GSDMA: variants seen among roughly 807,000 people sequenced by gnomAD.
GSDMA encodes gasdermin-A.
In GSDMA, 55 loss-of-function variants were observed where a neutral mutation model predicts 54.3. The observed-to-expected ratio is 1.01, with a 90% CI of 0.82 to 1.27. The LOEUF (loss-of-function observed/expected upper bound fraction) is 1.27. GSDMA is among the 50% of genes most tolerant of loss of function. The probability of loss-of-function intolerance (pLI) is 0.00; values close to 1 mark genes in which losing one functional copy is unlikely to be tolerated. For synonymous variants in GSDMA, 211 were observed against 224.7 expected, an observed-to-expected ratio of 0.94 and a Z score of 0.54; for missense variants, 542 against 542.6, an observed-to-expected ratio of 1.00 and a Z score of 0.01.
In GSDMA at chr17:39,972,581, C is replaced by T; in HGVS notation, c.704-6C>T. The T allele has an allele frequency of 1.9e-6, 3 of 1,612,752 alleles. No individual in the cohort carries two copies. Among genetic ancestry groups the T allele is most frequent in the South Asian group, 2.2e-5 (2 of 90,754 alleles). On this transcript the variant is annotated splice_polypyrimidine_tract_variant and splice_region_variant and intron_variant, in intron 6 of 11. Transcript: ENST00000301659. ...GCTGACAGATGTGCATTTTTTCTGTCTTCAGAAAAGTCAGGAGAGGAGAAG... is the reference window on the plus strand; with the variant it reads ...GCTGACAGATGTGCATTTTTTCTGTTTTCAGAAAAGTCAGGAGAGGAGAAG...
At chr17:39,966,188 A>G (rs1023814238) in intron 2 of GSDMA, 72 bp from the exon 3 acceptor site, 3 of 1,540,966 alleles carry the variant, frequency 1.9e-6, no homozygotes, top group Non-Finnish European at 2.7e-6. Flanking sequence ...TGGCCTCCCA[A>G]AATGCTGGGA....
At chr17:39,965,285 G>GGAAA (rs56327227) in intron 1 of GSDMA, among the ~76,000 whole-genome samples, 9 of 112,318 alleles carry the variant, frequency 8.0e-5, no homozygotes, top group South Asian at 5.7e-4. Flanking sequence ...AAGGAAGGAA[G>GGAAA]GAAAGAAAGA....
Position 39,970,052 on chromosome 17 carries a change from A to G in GSDMA, c.393-430A>G, listed in dbSNP as rs1327068836. ...GCAAGAGAGAGCATAAGATGTGGAG[A>G]GAAAGGATCCCAGAGAGATGAATGG... On this transcript the variant is annotated intron_variant, in intron 3 of 11. Coordinates refer to ENST00000301659, the MANE Select transcript of GSDMA (RefSeq NM_178171.5). Among the ~76,000 whole-genome samples, 5 of 151,780 alleles carry G rather than the reference A, an allele frequency of 3.3e-5. No homozygotes were observed. In the South Asian group the frequency reaches 6.2e-4, roughly 19 times the overall value.
intron 3 of GSDMA, among the ~76,000 whole-genome samples, chr17:39,967,472 G>A (rs1275097008): frequency 1.7e-4 from 26 of 152,180 alleles, no homozygotes; most frequent in Admixed American, 1.5e-3. Flanking sequence ...GAAGAGGTGC[G>A]AGTAGAACGA....
At chr17:39,975,854 G>A in intron 10 of GSDMA, 70 bp from the exon 11 acceptor site, 1 of 1,123,390 alleles carries the variant, frequency 8.9e-7, no homozygotes, top group Admixed American at 2.1e-5. Context: ...AATTCTGGAA[G>A]TGCGCTATTT....
In GSDMA at chr17:39,970,641, G is replaced by A; in HGVS notation, c.552G>A (p.Gly184=). 6.5e-7 allele frequency: 1 copy of A among 1,529,826 alleles called. No homozygotes were observed. The highest frequency in any genetic ancestry group is 8.8e-7 in the Non-Finnish European group (1 of 1,139,092). The allele number at this position is 1,529,826 out of a possible 1,614,324, so 94.8% of individuals were successfully genotyped here. A position where few individuals can be genotyped will look rare whatever the true frequency, so the allele number is the denominator to read the frequency against. The change falls in exon 4 of 12, where the codon GGG becomes GGA. Residue 184 remains glycine (G), a synonymous_variant. Coordinates refer to ENST00000301659, the MANE Select transcript of GSDMA (RefSeq NM_178171.5). ...CCCTCCCCTTCTTCGCCCCATTGGG[G>A]CTACAGGTTTGATTCAAACACACAC... ...CFSLPFFAPL[G]LQGSINHKEA... is the part of the protein sequence containing the mutation.
In GSDMA at chr17:39,974,460, A is replaced by G. The variant is rs1375202402; in HGVS notation, c.906+33A>G. On this transcript the variant is annotated intron_variant, in intron 9 of 11. Coordinates refer to ENST00000301659, the MANE Select transcript of GSDMA (RefSeq NM_178171.5). ...CCTAGTGGAAGTGGGGAAGGGTGGG[A>G]GAAGGCATGTTTTGGTGAAGATTTG... 3.3e-6 allele frequency: 5 copies of G among 1,535,908 alleles called. No homozygotes were observed. In the South Asian group the frequency reaches 6.0e-5, roughly 18 times the overall value.
At chr17:39,963,771 T>C (rs939936603) in intron 1 of GSDMA, among the ~76,000 whole-genome samples, 1 of 152,048 alleles carries the variant, frequency 6.6e-6, no homozygotes, top group Non-Finnish European at 1.5e-5. Flanking sequence ...GGAGAATCAC[T>C]TGAACCCAGG....
intron 10 of GSDMA, 102 bp from the exon 11 acceptor site, chr17:39,975,822 A>G (rs1980173370): frequency 1.2e-6 from 1 of 837,168 alleles, no homozygotes; most frequent in Non-Finnish European, 1.9e-6. Context: ...CGTTGTAATT[A>G]CATCCAATGA....
In GSDMA at chr17:39,966,178, T is replaced by G. The variant is rs762297175; in HGVS notation, c.215-82T>G. 3.0e-5 allele frequency: 44 copies of G among 1,447,016 alleles called. No homozygotes were observed. The Admixed American group carries it at 5.4e-4, about 18-fold the overall frequency. 89.6% of individuals were successfully genotyped at this position (1,447,016 alleles called of 1,614,324 possible). A position where few individuals can be genotyped will look rare whatever the true frequency, so the allele number is the denominator to read the frequency against. On this transcript the variant is annotated intron_variant, in intron 2 of 11. Transcript: ENST00000301659. ...CTGGGCTCAAGCAATCCTTCCACCT[T>G]GGCCTCCCAAAATGCTGGGATTACA...
At chr17:39,966,496 G>A (rs1252755040) in intron 3 of GSDMA, 59 bp downstream of exon 3, 138 of 1,426,698 alleles carry the variant, frequency 9.7e-5, no homozygotes, top group Non-Finnish European at 1.2e-4. Flanking sequence ...GCATGGAAAT[G>A]GTGCTTGGGG....
intron 1 of GSDMA, 25 bp from the exon 2 acceptor site, chr17:39,965,658 C>T: frequency 6.4e-7 from 1 of 1,563,036 alleles, no homozygotes; most frequent in Non-Finnish European, 8.7e-7. Context: ...CACCTTGACA[C>T]TCTCCTGTCT....
Position 39,965,705 on chromosome 17 carries a change from T to A in GSDMA, c.18T>A (p.Asn6Lys). 2 of 1,607,460 alleles carry A rather than the reference T, an allele frequency of 1.2e-6. No individual in the cohort carries two copies. The highest frequency in any genetic ancestry group is 1.7e-6 in the Non-Finnish European group (2 of 1,177,144). The change falls in exon 2 of 12, where the codon AAT (asparagine) becomes AAA (lysine). Residue 6 changes from asparagine to lysine, a missense_variant. Transcript: ENST00000301659. MTMFE[N>K]VTRALARQLN... ...CAGAGACAATGACCATGTTTGAAAA[T>A]GTCACCCGGGCCCTGGCCAGACAGC...
Position 39,970,618 on chromosome 17 carries a change from C to T in GSDMA, c.529C>T (p.Leu177Phe), listed in dbSNP as rs761166892. 6.4e-7 allele frequency: 1 copy of T among 1,574,442 alleles called. No individual in the cohort carries two copies. The highest frequency in any genetic ancestry group is 8.6e-7 in the Non-Finnish European group (1 of 1,160,790). Residue 177 changes from leucine (L) to phenylalanine (F), a missense_variant, in exon 4 of 12, where the codon CTC becomes TTC. Coordinates refer to ENST00000301659, the MANE Select transcript of GSDMA (RefSeq NM_178171.5). ...RAGKAEACFS[L>F]PFFAPLGLQG... ...CGGCAAGGCAGAGGCCTGCTTCTCC[C>T]TCCCCTTCTTCGCCCCATTGGGGCT...
intron 7 of GSDMA, 55 bp downstream of exon 7, chr17:39,972,668 C>T: frequency 6.7e-7 from 1 of 1,485,336 alleles, no homozygotes; most frequent in Non-Finnish European, 9.3e-7. Flanking sequence ...TTTTAAAACT[C>T]CAGTCTTTTT....
At position 39,974,912 on chromosome 17, in the gene GSDMA, CTA is replaced by C. The variant is rs1214494932; in HGVS notation, c.920_921del (p.Leu307ArgfsTer5). On this transcript the variant is annotated frameshift_variant, in exon 10 of 12. Transcript: ENST00000301659. LOFTEE classifies it high-confidence loss of function. The stretch of plus-strand genomic sequence containing the variant: ...CCTTCCCCCACAGCTTGAAGGGGCT[CTA>C]GACAAGGGACATGAAGTGACCCTGG... ...QDLELALEGA[L>X]DKGHEVTLEA... 6.2e-7 allele frequency: 1 copy of C among 1,606,552 alleles called. No homozygotes were observed. The highest frequency in any genetic ancestry group is 8.5e-7 in the Non-Finnish European group (1 of 1,174,870).
intron 7 of GSDMA, 97 bp downstream of exon 7, chr17:39,972,710 G>A (rs1980008974): frequency 9.3e-7 from 1 of 1,069,734 alleles, no homozygotes. Flanking sequence ...CAGGGAAATA[G>A]CAGAGCGAAT....
At chr17:39,974,807 G>C (rs1473613241) in intron 9 of GSDMA, 93 bp from the exon 10 acceptor site, 2 of 718,302 alleles carry the variant, frequency 2.8e-6, no homozygotes, top group Non-Finnish European at 2.4e-6. Context: ...GAAATGGAGA[G>C]AGTTTCCGCA....
rs747446896 is a variant in GSDMA at position 39,976,826 on chromosome 17, C to T, written c.1106C>T (p.Thr369Met). Residue 369 changes from threonine to methionine, a missense_variant, in exon 12 of 12, where the codon ACG becomes ATG. Thr to Met is a moderately conservative substitution (Grantham distance 81). Transcript: ENST00000301659. Reference protein sequence around the residue: ...LPVQLKLVESTMEQNFLLDKE... With the variant: ...LPVQLKLVESMMEQNFLLDKE... ...TTTGATTCCCTCCAGGTGGAGAGCACGATGGAACAGAACTTCCTGCTGGAT... is the reference window on the plus strand; with the variant it reads ...TTTGATTCCCTCCAGGTGGAGAGCATGATGGAACAGAACTTCCTGCTGGAT... 46 of 1,613,800 alleles carry T rather than the reference C, an allele frequency of 2.9e-5. No individual in the cohort carries two copies. The highest frequency in any genetic ancestry group is 1.6e-4 in the Middle Eastern group (1 of 6,084).
Sources: allele counts gnomAD v4.1 joint callset (sites outside exome capture counted in the v4.1 genomes callset), GRCh38; gene constraint gnomAD v4.1.1; transcripts MANE v1.5; gene names NCBI Gene and HGNC (gene_info 2026-07-23, HGNC 2026-07-21).